PLEC: variants seen among roughly 807,000 people sequenced by gnomAD.
The protein encoded by PLEC is hemidesmosomal protein 1.
In PLEC, 216 loss-of-function variants were observed where a neutral mutation model predicts 392.8. The observed-to-expected ratio is 0.55, with a 90% confidence interval of 0.49 to 0.62. PLEC has a LOEUF of 0.62. Ranked by LOEUF, PLEC falls within the 20% of genes least tolerant of loss-of-function variation. The probability of loss-of-function intolerance (pLI) is 0.00; values close to 1 mark genes in which losing one functional copy is unlikely to be tolerated. For missense variants in PLEC, 6,863 were observed against 6,563.4 expected (o/e 1.05, Z -1.58); for synonymous variants, 3,621 against 2,980.6 (o/e 1.21, Z -7.00).
chr8:143,970,832 G>T (rs1326689536), intron 1 of PLEC, among the ~76,000 whole-genome samples: 1 of 152,232 alleles, frequency 6.6e-6, no homozygotes. Context: ...CACAGGCCAG[G>T]CTTGGGGCGC....
In PLEC at chr8:143,921,619, C is replaced by T. The variant is rs782252692; in HGVS notation, c.8202G>A (p.Ala2734=). 2.5e-5 allele frequency: 40 copies of T among 1,612,764 alleles called. No homozygotes were observed. The highest frequency in any genetic ancestry group is 1.9e-4 in the South Asian group (17 of 91,056). Residue 2734 remains alanine, a synonymous_variant, in exon 32 of 32, where the codon GCG becomes GCA. Coordinates refer to ENST00000345136, the MANE Select transcript of PLEC (RefSeq NM_201384.3). ...GTALILLEAQ[A]ASGFLLDPVR... ...CAGGGTCCAGCAGGAAGCCTGAGGC[C>T]GCCTGCGCCTCCAGCAGGATGAGGG...
upstream of PLEC, among the ~76,000 whole-genome samples, chr8:143,957,963 G>A (rs1453879495): frequency 6.6e-6 from 1 of 152,144 alleles, no homozygotes; most frequent in East Asian, 1.9e-4. Flanking sequence ...TGGGGCCCCC[G>A]ACAATAGCCC....
In PLEC at chr8:143,934,073, G is replaced by A; in HGVS notation, c.1188C>T (p.Arg396=). The part of the protein sequence containing the change: ...SEFERLECLQ[R]IVTKLQMEAG... Reference sequence around the variant, plus strand: ...CCTCCATCTGCAGCTTGGTCACGATGCGCTGAAGACACTCCAGCCTGCAGC... The same window carrying A: ...CCTCCATCTGCAGCTTGGTCACGATACGCTGAAGACACTCCAGCCTGCAGC... Residue 396 remains arginine (R), a synonymous_variant, in exon 12 of 32, where the codon CGC becomes CGT. Coordinates refer to ENST00000345136, the MANE Select transcript of PLEC (RefSeq NM_201384.3). The A allele has an allele frequency of 6.2e-7, 1 of 1,611,712 alleles. No homozygotes were observed. Among genetic ancestry groups the A allele is most frequent in the Admixed American group, 1.7e-5 (1 of 59,952 alleles).
intron 18 of PLEC, 61 bp downstream of exon 18, chr8:143,931,876 G>A: frequency 2.0e-6 from 3 of 1,487,824 alleles, no homozygotes; most frequent in Non-Finnish European, 1.8e-6. Context: ...TGCCGAGGGG[G>A]TCCAGGGGCT....
At chr8:143,968,022 G>T (rs912687016) in intron 1 of PLEC, among the ~76,000 whole-genome samples, 2 of 151,810 alleles carry the variant, frequency 1.3e-5, no homozygotes, top group Non-Finnish European at 2.9e-5. Context: ...CAGCTACTCG[G>T]CGGACAGAGG....
chr8:143,942,843 G>T (rs1338481894), upstream of PLEC, among the ~76,000 whole-genome samples: 2 of 152,242 alleles, frequency 1.3e-5, no homozygotes, highest in Admixed American at 6.5e-5. Flanking sequence ...GGAAGGCAGG[G>T]CATGGGGCCA....
In PLEC at chr8:143,938,701, G is replaced by C. The variant is rs782313263; in HGVS notation, c.113-9C>G. On this transcript the variant is annotated splice_polypyrimidine_tract_variant and intron_variant, in intron 1 of 31. Transcript: ENST00000345136. ...CACACGATCCCGCTCATCTGGGGGA[G>C]ACAAGACCAGCTTACCTGGGGCCTG... 1 of 1,613,444 alleles carries C rather than the reference G, an allele frequency of 6.2e-7. No individual in the cohort carries two copies. The highest frequency in any genetic ancestry group is 8.5e-7 in the Non-Finnish European group (1 of 1,179,794).
At chr8:143,971,868 A>T (rs939526018) in intron 1 of PLEC, among the ~76,000 whole-genome samples, 1 of 151,860 alleles carries the variant, frequency 6.6e-6, no homozygotes, top group Non-Finnish European at 1.5e-5. Context: ...TGTGCCCAAC[A>T]CCAATCCTGG....
chr8:143,946,262 C>T (rs775315299), intron 1 of PLEC: 20 of 1,006,272 alleles, frequency 2.0e-5, no homozygotes, highest in Middle Eastern at 2.5e-4. Context: ...CGGCACAGAA[C>T]GGTGGACAAC....
At chr8:143,975,864 C>T (rs1833643821), upstream of PLEC, among the ~76,000 whole-genome samples, 1 of 152,130 alleles carries the variant, frequency 6.6e-6, no homozygotes, top group African/African-American at 2.4e-5. The surrounding 1 kb of genome is among the most constrained non-coding windows in gnomAD (Gnocchi z 9.9). Context: ...CCTCCACTGC[C>T]TCCATCCCAA....
In PLEC at chr8:143,925,270, C is replaced by A; in HGVS notation, c.4659G>T (p.Arg1553=). 6.3e-7 allele frequency: 1 copy of A among 1,581,408 alleles called. No individual in the cohort carries two copies. Among genetic ancestry groups the A allele is most frequent in the East Asian group, 2.3e-5 (1 of 43,792 alleles). ...LQAEEAERRL[R]QAEVERARQV... ...GCCGCGCTCGCTCCACCTCGGCCTG[C>A]CGCAGGCGCCGCTCCGCCTCCTCCG... The change falls in exon 31 of 32, where the codon CGG becomes CGT. Residue 1553 remains arginine, a synonymous_variant. Transcript: ENST00000345136.
rs1820491185 is a variant in PLEC at position 143,916,279 on chromosome 8, G to C, written c.13542C>G (p.Ser4514=). 1 of 1,560,320 alleles carries C rather than the reference G, an allele frequency of 6.4e-7. No individual in the cohort carries two copies. The highest frequency in any genetic ancestry group is 2.4e-5 in the East Asian group (1 of 41,572). Residue 4514 remains serine, a synonymous_variant, in exon 32 of 32, where the codon TCC becomes TCG. Coordinates refer to ENST00000345136, the MANE Select transcript of PLEC (RefSeq NM_201384.3). ...GSFDATGSGF[S]MTFSSSSYSS... The stretch of plus-strand genomic sequence containing the variant: ...AGTAGGAGGATGAAGAGAAGGTCAT[G>C]GAGAAGCCGGAGCCGGTGGCGTCAA...
In PLEC at chr8:143,925,536, C is replaced by T. The variant is rs782363849; in HGVS notation, c.4393G>A (p.Glu1465Lys). ...RVVRLQLEAT[E>K]RQRGGAEGEL... ...CCCTCAGCCCCGCCACGCTGGCGCT[C>T]GGTGGCCTCCAACTGCAGGCGCACC... Residue 1465 changes from glutamate (E) to lysine (K), a missense_variant, in exon 31 of 32, where the codon GAG becomes AAG. Coordinates refer to ENST00000345136, the MANE Select transcript of PLEC (RefSeq NM_201384.3). The T allele has an allele frequency of 7.5e-6, 12 of 1,594,600 alleles. No individual in the cohort carries two copies. The highest frequency in any genetic ancestry group is 4.0e-5 in the African/African-American group (3 of 74,826).
chr8:143,951,388 C>T (rs1002889315), upstream of PLEC, among the ~76,000 whole-genome samples: 1 of 151,952 alleles, frequency 6.6e-6, no homozygotes, highest in African/African-American at 2.4e-5. Context: ...GGAGGAAGTC[C>T]GAGGGGAGCG....
rs781974436 is a variant in PLEC, at chr8:143,938,583, C to G, written c.174+48G>C. 6 of 1,597,746 alleles carry G rather than the reference C, an allele frequency of 3.8e-6. No individual in the cohort carries two copies. The South Asian group carries it at 5.5e-5, about 15-fold the overall frequency. ...GGCAGGGGCCACCCTCCCTCAGCGC[C>G]TCCCACAGCCTCAGCCCCTGTGACA... On this transcript the variant is annotated intron_variant, in intron 2 of 31. Coordinates refer to ENST00000345136, the MANE Select transcript of PLEC (RefSeq NM_201384.3).
At position 143,918,501 on chromosome 8, in the gene PLEC, G is replaced by C; in HGVS notation, c.11320C>G (p.Pro3774Ala). 1 of 1,604,324 alleles carries C rather than the reference G, an allele frequency of 6.2e-7. No homozygotes were observed. The highest frequency in any genetic ancestry group is 8.5e-7 in the Non-Finnish European group (1 of 1,176,744). Reference sequence around the variant, plus strand: ...AGCGAGATGGTCTGCTCGGTGTAGGGGTCACGGTAGCCGGTGACCGCCCGC... The same window carrying C: ...AGCGAGATGGTCTGCTCGGTGTAGGCGTCACGGTAGCCGGTGACCGCCCGC... ...AERAVTGYRDPYTEQTISLFQ... is the reference protein window; with the variant it reads ...AERAVTGYRDAYTEQTISLFQ... Residue 3774 changes from proline to alanine, a missense_variant, in exon 32 of 32, where the codon CCC becomes GCC. By Grantham distance (27) the Pro-to-Ala change is conservative (BLOSUM62 -1). Coordinates refer to ENST00000345136, the MANE Select transcript of PLEC (RefSeq NM_201384.3).
Position 143,919,099 on chromosome 8 carries a change from A to C in PLEC, c.10722T>G (p.Ile3574Met), listed in dbSNP as rs1447595261. Residue 3574 changes from isoleucine (I) to methionine (M), a missense_variant, in exon 32 of 32, where the codon ATT becomes ATG. Transcript: ENST00000345136. ...RRAFEETQID[I>M]PGGGSHGGST... ...AGCCGCCGTGGCTGCCGCCGCCGGG[A>C]ATGTCGATCTGTGTCTCTTCAAATG... 1.2e-5 allele frequency: 19 copies of C among 1,612,158 alleles called. No homozygotes were observed. Among genetic ancestry groups the C allele is most frequent in the Non-Finnish European group, 1.6e-5 (19 of 1,179,982 alleles).
intron 1 of PLEC, among the ~76,000 whole-genome samples, chr8:143,972,742 G>A (rs979933609): frequency 1.3e-5 from 2 of 152,356 alleles, no homozygotes; most frequent in East Asian, 3.9e-4. Context: ...AAGAATGGCC[G>A]GTGGGACCAG....
intron 18 of PLEC, 104 bp from the exon 19 acceptor site, chr8:143,931,763 C>A (rs1403247644): frequency 6.5e-7 from 1 of 1,536,438 alleles, no homozygotes; most frequent in South Asian, 1.2e-5. Flanking sequence ...GAAGGAGTGG[C>A]AAAGCCCCCA....
Sources: allele counts gnomAD v4.1 joint callset (sites outside exome capture counted in the v4.1 genomes callset), GRCh38; gene constraint gnomAD v4.1.1; non-coding constraint Gnocchi (gnomAD v3.1); transcripts MANE v1.5; gene names NCBI Gene and HGNC (gene_info 2026-07-23, HGNC 2026-07-21).